PTPN4: variants seen among roughly 807,000 people sequenced by gnomAD.
The protein encoded by PTPN4 is tyrosine-protein phosphatase non-receptor type 4.
Under a neutral mutation model 135.5 loss-of-function variants are expected in PTPN4, and 49 were observed. The ratio of observed to expected loss-of-function variants is 0.36; its 90% CI spans 0.29 to 0.46. The LOEUF is 0.46. Ranked by LOEUF, PTPN4 falls within the 20% of genes least tolerant of loss-of-function variation. The pLI, the probability that PTPN4 is intolerant of heterozygous loss-of-function variation, is 1.00. For synonymous variants in PTPN4, 333 were observed against 369.9 expected (o/e 0.90, Z 1.14); for missense variants, 860 against 1,101.0 (o/e 0.78, Z 3.10).
At position 119,981,197 on chromosome 2, in the gene PTPN4, T is replaced by G. The variant is rs371090065; in HGVS notation, c.*4127T>G. On this transcript the variant is annotated 3_prime_UTR_variant, in exon 27 of 27. Transcript: ENST00000263708. ...GATGAATTTGCATTTCAGTCACTTA[T>G]AGTAAATAAAGTATATTAAATATTT... The G allele has an allele frequency of 6.6e-6, 1 of 152,098 alleles. No homozygotes were observed. The highest frequency in any genetic ancestry group is 2.4e-5 in the African/African-American group (1 of 41,446). The allele number at this position is 152,098 out of a possible 1,614,324, so 9.4% of individuals were successfully genotyped here. A position where few individuals can be genotyped will look rare whatever the true frequency, so the allele number is the denominator to read the frequency against.
At chr2:119,848,315 A>C (rs1385626647) in intron 2 of PTPN4, among the ~76,000 whole-genome samples, 1 of 151,620 alleles carries the variant, frequency 6.6e-6, no homozygotes, top group Non-Finnish European at 1.5e-5. Context: ...CTGGGACTAC[A>C]GGCGCCCACC....
At chr2:119,780,344 T>C (rs1690913923) in intron 1 of PTPN4, among the ~76,000 whole-genome samples, 1 of 152,202 alleles carries the variant, frequency 6.6e-6, no homozygotes, top group African/African-American at 2.4e-5. Flanking sequence ...AAATTTAGCA[T>C]TGACACAATA....
At position 119,914,843 on chromosome 2, in the gene PTPN4, G is replaced by A. The variant is rs368263256; in HGVS notation, c.765-336G>A. 2.0e-5 allele frequency among the ~76,000 whole-genome samples: 3 copies of A among 152,186 alleles called. No homozygotes were observed. The East Asian group carries it at 5.8e-4, about 29-fold the overall frequency. On this transcript the variant is annotated intron_variant, in intron 10 of 26. Coordinates refer to ENST00000263708, the MANE Select transcript of PTPN4 (RefSeq NM_002830.4). The stretch of plus-strand genomic sequence containing the variant: ...TTTTAAAATTAAAAGTGTTTTTAGG[G>A]TTGTTGCATAAAGTAATGAAATCTT...
At chr2:119,881,555 A>AGT (rs1289668717) in intron 5 of PTPN4, among the ~76,000 whole-genome samples, 1 of 152,224 alleles carries the variant, frequency 6.6e-6, no homozygotes, top group African/African-American at 2.4e-5. Context: ...AATGGAAGCT[A>AGT]GTGGAAACAA....
intron 1 of PTPN4, among the ~76,000 whole-genome samples, chr2:119,775,128 C>T (rs865981627): frequency 1.9e-5 from 2 of 102,570 alleles, no homozygotes; most frequent in Middle Eastern, 8.5e-3. Context: ...AAAAAAAAGC[C>T]ACAAAGGACA....
At position 119,871,259 on chromosome 2, in the gene PTPN4, A is replaced by G. The variant is rs147338998; in HGVS notation, c.247-6064A>G. Among the ~76,000 whole-genome samples, 21 of 151,376 alleles carry G rather than the reference A, an allele frequency of 1.4e-4. No homozygotes were observed. The East Asian group carries it at 3.9e-3, about 28-fold the overall frequency. ...TTCTCAAGACAGTTGGTGAGAGTGTAAAGTGAAAAAGTGTTTTTGGAAGGC... is the reference window on the plus strand; with the variant it reads ...TTCTCAAGACAGTTGGTGAGAGTGTGAAGTGAAAAAGTGTTTTTGGAAGGC... On this transcript the variant is annotated intron_variant, in intron 3 of 26. Coordinates refer to ENST00000263708, the MANE Select transcript of PTPN4 (RefSeq NM_002830.4).
chr2:119,880,873 T>C (rs767515185), intron 5 of PTPN4, among the ~76,000 whole-genome samples: 1 of 152,146 alleles, frequency 6.6e-6, no homozygotes, highest in Non-Finnish European at 1.5e-5. Context: ...TCTGAAAACC[T>C]CTTTGGTAAT....
At position 119,977,682 on chromosome 2, in the gene PTPN4, T is replaced by C. The variant is rs1475661762; in HGVS notation, c.*612T>C. The stretch of plus-strand genomic sequence containing the variant: ...ACATTGTCCATTTACCAGCATCTTA[T>C]AGAAAATATAAATATGAATCTACAA... On this transcript the variant is annotated 3_prime_UTR_variant, in exon 27 of 27. Coordinates refer to ENST00000263708, the MANE Select transcript of PTPN4 (RefSeq NM_002830.4). 6.6e-6 allele frequency: 1 copy of C among 152,182 alleles called. No homozygotes were observed. Among genetic ancestry groups the C allele is most frequent in the Non-Finnish European group, 1.5e-5 (1 of 68,034 alleles). The allele number at this position is 152,182 out of a possible 1,614,324, so 9.4% of individuals were successfully genotyped here.
In PTPN4 at chr2:119,984,538, G is replaced by T. The variant is rs1210957961; in HGVS notation, c.*7468G>T. On this transcript the variant is annotated 3_prime_UTR_variant, in exon 27 of 27. Coordinates refer to ENST00000263708, the MANE Select transcript of PTPN4 (RefSeq NM_002830.4). Reference sequence around the variant, plus strand: ...AAGAAGCTAAGGGTTTATTTAAAATGTGTATAAGCTTGAATTTGGTCAACA... The same window carrying T: ...AAGAAGCTAAGGGTTTATTTAAAATTTGTATAAGCTTGAATTTGGTCAACA... Among the ~76,000 whole-genome samples, 6 of 152,130 alleles carry T rather than the reference G, an allele frequency of 3.9e-5. No homozygotes were observed. Among genetic ancestry groups the T allele is most frequent in the Admixed American group, 3.9e-4 (6 of 15,278 alleles).
chr2:119,792,615 T>C (rs556674564), intron 1 of PTPN4, among the ~76,000 whole-genome samples: 1 of 152,366 alleles, frequency 6.6e-6, no homozygotes, highest in Non-Finnish European at 1.5e-5. Context: ...TACCAAAGTA[T>C]GAATTTTGCC....
At chr2:119,924,322 G>A (rs969541399) in intron 12 of PTPN4, among the ~76,000 whole-genome samples, 7 of 150,496 alleles carry the variant, frequency 4.7e-5, no homozygotes, top group South Asian at 2.1e-4. Flanking sequence ...AATTTTTTTC[G>A]TTAAAAGTGG....
In PTPN4 at chr2:119,775,721, G is replaced by A. The variant is rs114086668; in HGVS notation, c.-18+15337G>A. 3.3e-3 allele frequency among the ~76,000 whole-genome samples: 507 copies of A among 152,228 alleles called. 2 individuals carry two copies. Among genetic ancestry groups the A allele is most frequent in the African/African-American group, 0.011 (465 of 41,548 alleles). ...GCCTGAAACTGTAAATACCTGCTAC[G>A]GAAGACTTTGTCCAGATGTTGTGCA... On this transcript the variant is annotated intron_variant, in intron 1 of 26. Transcript: ENST00000263708.
At position 119,892,102 on chromosome 2, in the gene PTPN4, A is replaced by G. The variant is rs146228107; in HGVS notation, c.675+6220A>G. Among the ~76,000 whole-genome samples the G allele has an allele frequency of 9.0e-3, 1,372 of 152,342 alleles. 11 individuals carry two copies. Among genetic ancestry groups the G allele is most frequent in the Non-Finnish European group, 0.014 (960 of 68,028 alleles). ...AAGCTTGCATTCTGTGGGGCAAGAA[A>G]CAAAACTATAAATGAACAATTATGG... On this transcript the variant is annotated intron_variant, in intron 9 of 26. Transcript: ENST00000263708.
chr2:119,784,292 TGAGACAGAA>T, intron 1 of PTPN4, among the ~76,000 whole-genome samples: 1 of 149,808 alleles, frequency 6.7e-6, no homozygotes. Context: ...TTTTTTTTTT[TGAGACAGAA>T]TCTCCTGGGC....
In PTPN4 at chr2:119,851,462, T is replaced by C. The variant is rs1448873707; in HGVS notation, c.139-11074T>C. Among the ~76,000 whole-genome samples the C allele has an allele frequency of 3.3e-5, 5 of 152,336 alleles. No individual in the cohort carries two copies. In the East Asian group the frequency reaches 9.6e-4, roughly 29 times the overall value. ...ACGTTTAACTGTGATCCTAGGACTT[T>C]ATAGGACTTCTGGCATCTTGGAACC... On this transcript the variant is annotated intron_variant, in intron 2 of 26. Transcript: ENST00000263708.
At chr2:119,823,726 T>TGA (rs1017333620) in intron 2 of PTPN4, among the ~76,000 whole-genome samples, 4 of 152,148 alleles carry the variant, frequency 2.6e-5, no homozygotes, top group Non-Finnish European at 5.9e-5. Context: ...TATTTCTTAC[T>TGA]GAGAGAGAGA....
chr2:119,823,152 G>A (rs1390897735), intron 2 of PTPN4, among the ~76,000 whole-genome samples: 1 of 151,798 alleles, frequency 6.6e-6, no homozygotes, highest in African/African-American at 2.4e-5. Flanking sequence ...TGACCTCTAG[G>A]AGCTTTAAAA....
At chr2:119,891,773 G>T (rs976087451) in intron 9 of PTPN4, among the ~76,000 whole-genome samples, 2 of 152,074 alleles carry the variant, frequency 1.3e-5, no homozygotes, top group Admixed American at 1.3e-4. Flanking sequence ...TTTCATGCTG[G>T]GATTTTGAAC....
At position 119,880,189 on chromosome 2, in the gene PTPN4, G is replaced by A. The variant is rs146747717; in HGVS notation, c.369-1597G>A. On this transcript the variant is annotated intron_variant, in intron 5 of 26. Coordinates refer to ENST00000263708, the MANE Select transcript of PTPN4 (RefSeq NM_002830.4). ...TCTTCTTACAAATGTAGAAACTAAGGCTCAGCCACATTTTAACTAATTTGC... is the reference window on the plus strand; with the variant it reads ...TCTTCTTACAAATGTAGAAACTAAGACTCAGCCACATTTTAACTAATTTGC... 2.6e-5 allele frequency: 4 copies of A among 152,132 alleles called. No individual in the cohort carries two copies. In the East Asian group the frequency reaches 7.7e-4, roughly 29 times the overall value. The allele number at this position is 152,132 out of a possible 1,614,324, so 9.4% of individuals were successfully genotyped here.
Sources: allele counts gnomAD v4.1 joint callset (sites outside exome capture counted in the v4.1 genomes callset), GRCh38; gene constraint gnomAD v4.1.1; transcripts MANE v1.5; gene names NCBI Gene and HGNC (gene_info 2026-07-23, HGNC 2026-07-21).